Variants in DPP10 observed in about 807,000 individuals in gnomAD.
The protein encoded by DPP10 is dipeptidyl peptidase like 10.
DPP10 carries 33 observed loss-of-function variants against 120.9 expected under a neutral mutation model. That is an observed-to-expected ratio of 0.27 (90% confidence interval 0.21 to 0.37). The LOEUF (loss-of-function observed/expected upper bound fraction) is 0.37. DPP10 is among the 10% of genes least tolerant of loss of function. The pLI is 1.00. For synonymous variants in DPP10, 337 were observed against 326.1 expected, an observed-to-expected ratio of 1.03 and a Z score of -0.36; for missense variants, 816 against 942.8, an observed-to-expected ratio of 0.87 and a Z score of 1.76.
intron 3 of DPP10, among the ~76,000 whole-genome samples, chr2:115,419,752 C>G (rs145996989): frequency 3.9e-5 from 6 of 152,062 alleles, no homozygotes; most frequent in African/African-American, 9.6e-5. Context: ...CAATTTTACC[C>G]CAAAACTGTG....
intron 1 of DPP10, among the ~76,000 whole-genome samples, chr2:115,125,430 T>C (rs1020602911): frequency 3.9e-5 from 6 of 152,160 alleles, no homozygotes; most frequent in African/African-American, 1.4e-4. Flanking sequence ...TGAGGGAAAA[T>C]GGTATTTCCA....
chr2:115,103,900 A>G (rs548116134), intron 1 of DPP10, among the ~76,000 whole-genome samples: 1 of 152,152 alleles, frequency 6.6e-6, no homozygotes, highest in Non-Finnish European at 1.5e-5. Flanking sequence ...TTTGGATTTC[A>G]TATTTTTTCA....
At chr2:115,213,414 C>T (rs1404126704) in intron 1 of DPP10, among the ~76,000 whole-genome samples, 1 of 152,134 alleles carries the variant, frequency 6.6e-6, no homozygotes, top group East Asian at 1.9e-4. Flanking sequence ...GATTAATACT[C>T]ATCCTTAAGC....
intron 1 of DPP10, among the ~76,000 whole-genome samples, chr2:114,687,749 G>C (rs577745049): frequency 6.3e-4 from 96 of 152,048 alleles, no homozygotes; most frequent in African/African-American, 2.2e-3. Context: ...CCTGGAGCAA[G>C]GCTTCCACCA....
chr2:114,962,640 C>T (rs1024499966), intron 1 of DPP10, among the ~76,000 whole-genome samples: 13 of 152,098 alleles, frequency 8.5e-5, no homozygotes, highest in African/African-American at 2.7e-4. Context: ...ACGATGTCTG[C>T]CCTTTGAGAG....
intron 4 of DPP10, among the ~76,000 whole-genome samples, chr2:115,513,476 C>A (rs1000751301): frequency 2.0e-5 from 3 of 151,614 alleles, no homozygotes; most frequent in Non-Finnish European, 4.4e-5. Flanking sequence ...TTTCTCACTC[C>A]TTTTTTGTTA....
intron 1 of DPP10, among the ~76,000 whole-genome samples, chr2:114,880,071 C>T (rs1043423826): frequency 1.3e-5 from 2 of 152,134 alleles, no homozygotes; most frequent in African/African-American, 4.8e-5. Context: ...AGCTTTTTCA[C>T]CTCCATTTTA....
intron 1 of DPP10, among the ~76,000 whole-genome samples, chr2:114,604,005 G>A (rs1692585651): frequency 6.6e-6 from 1 of 152,074 alleles, no homozygotes; most frequent in Admixed American, 6.6e-5. Flanking sequence ...CTGGGTGTAA[G>A]CTTCCTAGAG....
chr2:115,800,696 C>A (rs1010351735), intron 19 of DPP10, among the ~76,000 whole-genome samples: 7 of 152,152 alleles, frequency 4.6e-5, no homozygotes, highest in African/African-American at 1.4e-4. Flanking sequence ...ATAGGGAATC[C>A]TTTCCCCATT....
intron 1 of DPP10, among the ~76,000 whole-genome samples, chr2:114,516,473 AGAT>A (rs1204136857): frequency 6.6e-6 from 1 of 152,234 alleles, no homozygotes; most frequent in Non-Finnish European, 1.5e-5. Flanking sequence ...AGATGAAGAA[AGAT>A]GATGATTTTG....
chr2:115,047,373 T>G (rs13415710), intron 1 of DPP10, among the ~76,000 whole-genome samples: 7,287 of 152,078 alleles, frequency 0.048, 268 homozygotes, highest in East Asian at 0.17. Flanking sequence ...TTAATTAAAT[T>G]TTGAATATTT....
intron 8 of DPP10, among the ~76,000 whole-genome samples, chr2:115,733,786 G>A (rs934998435): frequency 6.6e-6 from 1 of 152,158 alleles, no homozygotes; most frequent in Admixed American, 6.5e-5. Context: ...TTAAGTGCCT[G>A]TGATATAAAA....
intron 5 of DPP10, among the ~76,000 whole-genome samples, chr2:115,554,005 A>G (rs1285233179): frequency 1.2e-5 from 1 of 85,532 alleles, no homozygotes; most frequent in African/African-American, 7.7e-5. Context: ...TCTCTTTCAC[A>G]CACACACACA....
At chr2:115,602,079 T>A (rs1013074827) in intron 5 of DPP10, among the ~76,000 whole-genome samples, 2 of 152,208 alleles carry the variant, frequency 1.3e-5, no homozygotes, top group African/African-American at 4.8e-5. Context: ...TCTTCTCTTT[T>A]ATTCTAAAAA....
At chr2:115,250,179 C>T (rs1288510822) in intron 1 of DPP10, among the ~76,000 whole-genome samples, 4 of 151,982 alleles carry the variant, frequency 2.6e-5, no homozygotes, top group Non-Finnish European at 5.9e-5. Flanking sequence ...TATAAACTTT[C>T]CTGGCAGACA....
At chr2:114,757,651 A>G (rs1457500862) in intron 1 of DPP10, among the ~76,000 whole-genome samples, 5 of 152,130 alleles carry the variant, frequency 3.3e-5, no homozygotes, top group Admixed American at 1.3e-4. Flanking sequence ...TCAAATATAT[A>G]TAACAGAAAT....
intron 1 of DPP10, among the ~76,000 whole-genome samples, chr2:114,622,262 G>A (rs1010852036): frequency 6.6e-6 from 1 of 151,958 alleles, no homozygotes; most frequent in African/African-American, 2.4e-5. Flanking sequence ...CACAAAATGA[G>A]CATTATTATC....
intron 5 of DPP10, among the ~76,000 whole-genome samples, chr2:115,553,115 G>A (rs996797474): frequency 3.3e-5 from 5 of 152,040 alleles, no homozygotes; most frequent in African/African-American, 4.8e-5. Context: ...TTAATTTAAT[G>A]TGACCATTTC....
At chr2:115,479,026 T>A (rs4417722) in intron 3 of DPP10, among the ~76,000 whole-genome samples, 4 of 152,026 alleles carry the variant, frequency 2.6e-5, no homozygotes, top group East Asian at 1.9e-4. Context: ...GCAGAATTAC[T>A]GTATGATCTA....
Sources: allele counts gnomAD v4.1 joint callset (sites outside exome capture counted in the v4.1 genomes callset), GRCh38; gene constraint gnomAD v4.1.1; transcripts MANE v1.5; gene names NCBI Gene and HGNC (gene_info 2026-07-23, HGNC 2026-07-21).